The following SPTLC3 variants were observed in gnomAD, a reference collection of about 807,000 sequenced individuals.
SPTLC3 encodes the protein serine palmitoyltransferase long chain base subunit 3.
A neutral mutation model predicts 59.3 loss-of-function variants in SPTLC3; 36 were observed. The observed-to-expected ratio is 0.61, with a 90% CI of 0.47 to 0.80. SPTLC3 has a LOEUF of 0.80. Among genes scored for constraint, SPTLC3 ranks in the 30% least tolerant of loss-of-function variants. SPTLC3 has a pLI of 0.00. For synonymous variants in SPTLC3, 257 were observed against 240.8 expected (o/e 1.07, Z -0.62); for missense variants, 625 against 685.1 (o/e 0.91, Z 0.98).
At chr20:13,015,672 G>A (rs1328942127) in intron 1 of SPTLC3, among the ~76,000 whole-genome samples, 1 of 152,022 alleles carries the variant, frequency 6.6e-6, no homozygotes, top group Non-Finnish European at 1.5e-5. Context: ...TAATAAGGAA[G>A]AATAATTGGA....
At chr20:13,121,200 G>C (rs1270935129) in intron 8 of SPTLC3, among the ~76,000 whole-genome samples, 1 of 152,214 alleles carries the variant, frequency 6.6e-6, no homozygotes, top group African/African-American at 2.4e-5. Flanking sequence ...TCCACAGGCT[G>C]ACCAGAGACT....
chr20:13,056,770 C>G (rs1474312409), intron 2 of SPTLC3, among the ~76,000 whole-genome samples: 2 of 142,494 alleles, frequency 1.4e-5, no homozygotes, highest in Non-Finnish European at 3.0e-5. Context: ...AAGAGAGAGT[C>G]TCACTCTGTC....
chr20:13,124,788 T>C (rs1446242145), intron 8 of SPTLC3, among the ~76,000 whole-genome samples: 1 of 152,074 alleles, frequency 6.6e-6, no homozygotes, highest in Non-Finnish European at 1.5e-5. Context: ...CTAAGAGAGA[T>C]GGAAAAGTGA....
At chr20:13,161,195 A>G (rs2038888927) in intron 11 of SPTLC3, among the ~76,000 whole-genome samples, 1 of 152,216 alleles carries the variant, frequency 6.6e-6, no homozygotes, top group Admixed American at 6.5e-5. Context: ...ATCAAAGACA[A>G]TTTGAGGTCT....
At chr20:13,080,604 T>A (rs1266760272) in intron 4 of SPTLC3, among the ~76,000 whole-genome samples, 1 of 151,000 alleles carries the variant, frequency 6.6e-6, no homozygotes, top group Admixed American at 6.6e-5. Context: ...ATGATTAAGA[T>A]ATTGAGATAT....
At chr20:13,069,309 G>C (rs1159698492) in intron 2 of SPTLC3, among the ~76,000 whole-genome samples, 2 of 152,142 alleles carry the variant, frequency 1.3e-5, no homozygotes, top group Non-Finnish European at 2.9e-5. Flanking sequence ...TTCTGGGCCT[G>C]ATTCTCCTCA....
At chr20:13,065,400 T>C (rs1988163839) in intron 2 of SPTLC3, among the ~76,000 whole-genome samples, 1 of 151,850 alleles carries the variant, frequency 6.6e-6, no homozygotes, top group Admixed American at 6.6e-5. Context: ...TCTATTATTA[T>C]TTATGTACCT....
intron 6 of SPTLC3, among the ~76,000 whole-genome samples, chr20:13,100,330 T>C (rs1400017808): frequency 1.3e-5 from 2 of 152,070 alleles, no homozygotes; most frequent in African/African-American, 4.8e-5. Flanking sequence ...GAAGACTAAA[T>C]AGAAGGAAAG....
At chr20:13,020,204 G>A (rs573208718) in intron 1 of SPTLC3, among the ~76,000 whole-genome samples, 2 of 152,238 alleles carry the variant, frequency 1.3e-5, no homozygotes, top group Non-Finnish European at 2.9e-5. Context: ...ATGTGTGTTA[G>A]ACATTTATTT....
At chr20:13,137,296 C>T (rs538070498) in intron 9 of SPTLC3, among the ~76,000 whole-genome samples, 2 of 152,256 alleles carry the variant, frequency 1.3e-5, no homozygotes, top group Admixed American at 1.3e-4. Context: ...GTTGCCTTGG[C>T]TGTAGAATTC....
In SPTLC3 at chr20:13,110,098, G is replaced by T. The variant is rs2236126; in HGVS notation, c.827-14G>T. ...CTTTCATGACTCAATTTTTTTTTTTGGTATTATTTAAAGACACACAAAGCC... is the reference window on the plus strand; with the variant it reads ...CTTTCATGACTCAATTTTTTTTTTTTGTATTATTTAAAGACACACAAAGCC... On this transcript the variant is annotated splice_polypyrimidine_tract_variant and intron_variant, in intron 6 of 11. Transcript: ENST00000399002. 77 of 1,563,120 alleles carry T rather than the reference G, an allele frequency of 4.9e-5. No homozygotes were observed. Among genetic ancestry groups the T allele is most frequent in the Admixed American group, 3.4e-4 (16 of 47,432 alleles).
At chr20:13,067,711 T>C (rs1208426519) in intron 2 of SPTLC3, among the ~76,000 whole-genome samples, 1 of 152,186 alleles carries the variant, frequency 6.6e-6, no homozygotes, top group African/African-American at 2.4e-5. Context: ...GTTCTTATAC[T>C]TCAAAGAACT....
intron 9 of SPTLC3, among the ~76,000 whole-genome samples, chr20:13,151,154 T>C (rs2038635996): frequency 1.3e-5 from 2 of 152,236 alleles, no homozygotes; most frequent in Admixed American, 1.3e-4. Flanking sequence ...TACCAACCAA[T>C]GGCTTACTCT....
At chr20:13,155,466 C>T (rs1162498479) in intron 10 of SPTLC3, among the ~76,000 whole-genome samples, 1 of 152,118 alleles carries the variant, frequency 6.6e-6, no homozygotes, top group Non-Finnish European at 1.5e-5. Flanking sequence ...TTATAAGTTC[C>T]TAAAAGACAG....
intron 5 of SPTLC3, 148 bp downstream of exon 5, chr20:13,091,355 A>G (rs925892555): frequency 2.0e-6 from 2 of 976,628 alleles, no homozygotes; most frequent in East Asian, 5.8e-5. Context: ...CGGGCGGATC[A>G]CGAGGTCAAG....
At chr20:13,075,341 T>C (rs1446291771) in intron 4 of SPTLC3, among the ~76,000 whole-genome samples, 1 of 152,190 alleles carries the variant, frequency 6.6e-6, no homozygotes, top group Admixed American at 6.5e-5. Context: ...TAGGTCTGCC[T>C]AAGAATTGGA....
At chr20:13,090,998 T>G in intron 4 of SPTLC3, 85 bp from the exon 5 acceptor site, 1 of 1,543,928 alleles carries the variant, frequency 6.5e-7, no homozygotes, top group Non-Finnish European at 8.8e-7. Flanking sequence ...GGTCTTTTGG[T>G]GATGTGTACG....
At chr20:13,026,859 G>A (rs1337510572) in intron 1 of SPTLC3, among the ~76,000 whole-genome samples, 2 of 152,116 alleles carry the variant, frequency 1.3e-5, no homozygotes, top group African/African-American at 4.8e-5. Flanking sequence ...AGGAACTGGA[G>A]CCCGTTCTTC....
At chr20:13,075,693 T>C (rs1367078552) in intron 4 of SPTLC3, among the ~76,000 whole-genome samples, 2 of 152,026 alleles carry the variant, frequency 1.3e-5, no homozygotes, top group Admixed American at 6.6e-5. Context: ...CATTTGGAGA[T>C]GGGGCAGAGA....
Sources: gnomAD v4.1 joint callset for allele counts (sites outside exome capture counted in the v4.1 genomes callset) on GRCh38, gnomAD v4.1.1 for gene constraint, MANE v1.5 for transcripts, NCBI Gene and HGNC (gene_info 2026-07-23, HGNC 2026-07-21) for gene names.